Variants in PIWIL1 observed in about 807,000 individuals in gnomAD.
The protein encoded by PIWIL1 is piwi like RNA-mediated gene silencing 1, also known as piwi-like protein 1.
A neutral mutation model predicts 114.4 loss-of-function variants in PIWIL1; 73 were observed. That is an observed-to-expected ratio of 0.64 (90% CI 0.53 to 0.78). The LOEUF is 0.78. PIWIL1 is among the 30% of genes least tolerant of loss of function. The pLI is 0.00. For missense variants in PIWIL1, 723 were observed against 1,063.1 expected (o/e 0.68, Z 4.45); for synonymous variants, 375 against 369.0 (o/e 1.02, Z -0.19).
the PIWIL1 span, among the ~76,000 whole-genome samples, chr12:130,420,349 T>C: frequency 1.5e-5 from 2 of 129,214 alleles, no homozygotes; most frequent in Admixed American, 2.0e-4. The surrounding 1 kb of genome is among the most constrained non-coding windows in gnomAD (Gnocchi z 4.3). Flanking sequence ...AAACCTATCA[T>C]AGGTTTGTCA....
intron 4 of PIWIL1, 132 bp downstream of exon 4, chr12:130,346,010 T>G: frequency 1.2e-6 from 1 of 854,750 alleles, no homozygotes; most frequent in Non-Finnish European, 1.8e-6. Context: ...CACTTTCTTT[T>G]GGCGTTGATG....
the PIWIL1 span, among the ~76,000 whole-genome samples, chr12:130,402,919 A>G: frequency 6.6e-6 from 1 of 152,248 alleles, no homozygotes; most frequent in Non-Finnish European, 1.5e-5. Flanking sequence ...GCTTTAAAAC[A>G]CGATGGGGTG....
chr12:130,389,206 T>G, the PIWIL1 span, among the ~76,000 whole-genome samples: 8 of 152,126 alleles, frequency 5.3e-5, no homozygotes, highest in African/African-American at 1.9e-4. Flanking sequence ...TTTGCTAACA[T>G]TTTGTTTAGA....
chr12:130,376,593 C>T (rs553303113), downstream of PIWIL1, among the ~76,000 whole-genome samples: 1 of 152,206 alleles, frequency 6.6e-6, no homozygotes, highest in South Asian at 2.1e-4. Context: ...CTTCATCCTT[C>T]CAAATGTTCA....
In PIWIL1 at chr12:130,357,236, CAG is replaced by C. The variant is rs1442642262; in HGVS notation, c.1592+133_1592+134del. 13 of 766,384 alleles carry C rather than the reference CAG, an allele frequency of 1.7e-5. No homozygotes were observed. The African/African-American group carries it at 1.8e-4, about 10-fold the overall frequency. The allele number at this position is 766,384 out of a possible 1,614,324, so 47.5% of individuals were successfully genotyped here. On this transcript the variant is annotated intron_variant, in intron 13 of 20. Coordinates refer to ENST00000245255, the MANE Select transcript of PIWIL1 (RefSeq NM_004764.5). The stretch of plus-strand genomic sequence containing the variant: ...TGTGGCTCCCTGTAATGCAGATAAA[CAG>C]AAACATATTTTAATAACTAAGAATG...
intron 9 of PIWIL1, among the ~76,000 whole-genome samples, chr12:130,350,283 C>G (rs1410338728): frequency 6.6e-6 from 1 of 152,164 alleles, no homozygotes; most frequent in Non-Finnish European, 1.5e-5. Context: ...AAGAGCTTGC[C>G]ATACTGTCTC....
chr12:130,355,741 A>T (rs1232682268), intron 12 of PIWIL1, 74 bp downstream of exon 12: 3 of 1,037,276 alleles, frequency 2.9e-6, no homozygotes, highest in Non-Finnish European at 4.6e-6. Flanking sequence ...GCAGGAGTAC[A>T]GTGGTGCAAT....
chr12:130,376,388 C>T (rs539901037), downstream of PIWIL1, among the ~76,000 whole-genome samples: 40 of 152,292 alleles, frequency 2.6e-4, no homozygotes, highest in South Asian at 8.3e-4. Flanking sequence ...TGCCTGAGGG[C>T]GCGTTAGAGT....
chr12:130,406,241 G>A, the PIWIL1 span: 146 of 1,594,564 alleles, frequency 9.2e-5, no homozygotes, highest in Admixed American at 1.2e-4. Context: ...ATGTAAGTTC[G>A]GCCTGTGGAG....
intron 7 of PIWIL1, among the ~76,000 whole-genome samples, chr12:130,348,933 GGTTTAA>G (rs773435166): frequency 1.3e-5 from 2 of 152,024 alleles, no homozygotes; most frequent in Non-Finnish European, 2.9e-5. Context: ...CAGCCCAACA[GGTTTAA>G]GTTTATCATA....
At chr12:130,408,182 C>T in the PIWIL1 span, among the ~76,000 whole-genome samples, 3,052 of 152,286 alleles carry the variant, frequency 0.02, 118 homozygotes, top group African/African-American at 0.07. Context: ...GCTTGGGAGG[C>T]CCTGCAGAGT....
chr12:130,338,016 C>T lies in PIWIL1; in HGVS notation c.-143C>T. 5.8e-6 allele frequency: 1 copy of T among 172,856 alleles called. No homozygotes were observed. The highest frequency in any genetic ancestry group is 1.2e-5 in the Non-Finnish European group (1 of 81,824). 10.7% of individuals were successfully genotyped at this position (172,856 alleles called of 1,614,324 possible). The stretch of plus-strand genomic sequence containing the variant: ...TCTCTCGGGAACCCAGCGCCGAAGG[C>T]GAGGTGGGCGCGGGCCGAAGGAGGT... On this transcript the variant is annotated 5_prime_UTR_variant, in exon 1 of 21. The change creates a premature stop within an existing upstream ORF in the 5' untranslated region. Transcript: ENST00000245255.
the PIWIL1 span, chr12:130,414,472 A>T: frequency 1.5e-5 from 9 of 613,200 alleles, no homozygotes; most frequent in South Asian, 1.8e-4. Flanking sequence ...TCTAGGTCAG[A>T]TGAATTGGAG....
At chr12:130,394,681 T>G in the PIWIL1 span, among the ~76,000 whole-genome samples, 1 of 140,162 alleles carries the variant, frequency 7.1e-6, no homozygotes, top group Non-Finnish European at 1.6e-5. Context: ...TTTTTTTTTC[T>G]GAGTGCAGCT....
the PIWIL1 span, among the ~76,000 whole-genome samples, chr12:130,399,493 A>G: frequency 6.6e-6 from 1 of 152,124 alleles, no homozygotes; most frequent in South Asian, 2.1e-4. Flanking sequence ...TTTTTTTGTA[A>G]AATGAGTAAG....
intron 19 of PIWIL1, among the ~76,000 whole-genome samples, chr12:130,367,678 TGAGCC>T (rs2073699465): frequency 1.3e-5 from 2 of 152,228 alleles, no homozygotes; most frequent in African/African-American, 2.4e-5. Context: ...AAGTGGCTTC[TGAGCC>T]GAGCTGCACT....
At chr12:130,370,987 C>T (rs536431442) in intron 19 of PIWIL1, among the ~76,000 whole-genome samples, 189 bp from the exon 20 acceptor site, 36 of 152,354 alleles carry the variant, frequency 2.4e-4, no homozygotes, top group Admixed American at 1.2e-3. Flanking sequence ...ATCTTTCACA[C>T]ATAAGCAGTC....
At chr12:130,422,406 C>A in the PIWIL1 span, 1 of 1,379,574 alleles carries the variant, frequency 7.2e-7, no homozygotes, top group Non-Finnish European at 1.0e-6. The surrounding 1 kb of genome is among the most constrained non-coding windows in gnomAD (Gnocchi z 5.2). Flanking sequence ...TAAGCAGCCA[C>A]ATGCTCCGCG....
At chr12:130,361,639 C>T (rs1368294237) in intron 16 of PIWIL1, 38 bp downstream of exon 16, 2 of 1,520,078 alleles carry the variant, frequency 1.3e-6, no homozygotes, top group Admixed American at 3.3e-5. Context: ...GCAGTGAGGA[C>T]ATAAAGCAGG....
Sources: gnomAD v4.1 joint callset for allele counts (sites outside exome capture counted in the v4.1 genomes callset) on GRCh38, gnomAD v4.1.1 for gene constraint, Gnocchi (gnomAD v3.1) non-coding constraint, MANE v1.5 for transcripts, NCBI Gene and HGNC (gene_info 2026-07-23, HGNC 2026-07-21) for gene names.